CDH13: variants seen among roughly 807,000 people sequenced by gnomAD.
CDH13 encodes cadherin 13.
In CDH13, 24 loss-of-function variants were observed where a neutral mutation model predicts 63.8. The observed-to-expected ratio is 0.38, with a 90% confidence interval of 0.27 to 0.53. The LOEUF (loss-of-function observed/expected upper bound fraction) is 0.53, where lower values mean the gene tolerates loss of function less well. Ranked by LOEUF, CDH13 falls within the 20% of genes least tolerant of loss-of-function variation. The probability of loss-of-function intolerance (pLI) is 0.85; values close to 1 mark genes in which losing one functional copy is unlikely to be tolerated. For synonymous variants in CDH13, 503 were observed against 355.3 expected (o/e 1.42, Z -4.67); for missense variants, 1,049 against 903.1 (o/e 1.16, Z -2.07).
rs193056370 is a variant in CDH13, at chr16:83,185,160, G to A, written c.484-32185G>A. 2.6e-5 allele frequency among the ~76,000 whole-genome samples: 4 copies of A among 152,234 alleles called. No individual in the cohort carries two copies. In the East Asian group the frequency reaches 5.8e-4, roughly 22 times the overall value. On this transcript the variant is annotated intron_variant, in intron 4 of 13. Coordinates refer to ENST00000567109, the MANE Select transcript of CDH13 (RefSeq NM_001257.5). ...CTACAGCTGGTCGTGGCAGCACTGA[G>A]ATTTGTATCCAAGCAGCCTGGCTTC... is the stretch of plus-strand genomic sequence containing the variant.
chr16:83,740,585 A>G (rs1019955168), intron 10 of CDH13, among the ~76,000 whole-genome samples: 4 of 152,194 alleles, frequency 2.6e-5, no homozygotes, highest in African/African-American at 7.2e-5. Context: ...GTGCCATCAG[A>G]AGATGCCAGC....
intron 6 of CDH13, among the ~76,000 whole-genome samples, chr16:83,402,024 G>A (rs541410265): frequency 1.3e-5 from 2 of 152,274 alleles, no homozygotes; most frequent in South Asian, 4.1e-4. Context: ...TTTCCTGAGT[G>A]TAGATGTTGC....
At chr16:83,273,293 T>A (rs1337389900) in intron 5 of CDH13, among the ~76,000 whole-genome samples, 2 of 152,144 alleles carry the variant, frequency 1.3e-5, no homozygotes, top group Admixed American at 6.5e-5. Flanking sequence ...GTACTAAGCA[T>A]AATACCCAAT....
chr16:83,275,984 T>C (rs1254178107), intron 5 of CDH13, among the ~76,000 whole-genome samples: 2 of 152,144 alleles, frequency 1.3e-5, no homozygotes, highest in African/African-American at 4.8e-5. Flanking sequence ...TTAATGATGG[T>C]CATTTAAACA....
At chr16:83,320,501 T>C (rs1240011557) in intron 5 of CDH13, among the ~76,000 whole-genome samples, 3 of 152,114 alleles carry the variant, frequency 2.0e-5, no homozygotes, top group Non-Finnish European at 1.5e-5. Flanking sequence ...GTAAGAGAAA[T>C]AGATCAAAAC....
At chr16:82,833,043 T>C (rs546849660) in intron 1 of CDH13, among the ~76,000 whole-genome samples, 6 of 152,216 alleles carry the variant, frequency 3.9e-5, no homozygotes, top group African/African-American at 7.2e-5. Context: ...CTTACAGTTA[T>C]ACCTTTTTAC....
chr16:83,031,150 G>A (rs955967866), intron 2 of CDH13, among the ~76,000 whole-genome samples: 12 of 134,188 alleles, frequency 8.9e-5, no homozygotes, highest in Non-Finnish European at 4.8e-5. Flanking sequence ...CCATATGTGT[G>A]TATATGGTGC....
chr16:82,967,543 T>C (rs1284936409), intron 2 of CDH13, among the ~76,000 whole-genome samples: 3 of 152,226 alleles, frequency 2.0e-5, no homozygotes, highest in African/African-American at 4.8e-5. Context: ...CCATTTCCCC[T>C]TGGCGTGGGA....
intron 5 of CDH13, among the ~76,000 whole-genome samples, chr16:83,252,566 G>C (rs8064076): frequency 0.75 from 114,020 of 151,956 alleles, 42,989 homozygotes; most frequent in East Asian, 0.97. Flanking sequence ...TGAGCCAAGT[G>C]ACATGTTGCA....
At position 82,762,548 on chromosome 16, in the gene CDH13, C is replaced by G. The variant is rs533077419; in HGVS notation, c.46-95814C>G. 3.3e-5 allele frequency among the ~76,000 whole-genome samples: 5 copies of G among 152,232 alleles called. No individual in the cohort carries two copies. In the East Asian group the frequency reaches 9.6e-4, roughly 29 times the overall value. On this transcript the variant is annotated intron_variant, in intron 1 of 13. Coordinates refer to ENST00000567109, the MANE Select transcript of CDH13 (RefSeq NM_001257.5). ...ACTTTAACTTTCTACTAATTAGAAGCCAGACTCTCAGCTTTGCTTCTTGAT... is the reference window on the plus strand; with the variant it reads ...ACTTTAACTTTCTACTAATTAGAAGGCAGACTCTCAGCTTTGCTTCTTGAT...
intron 2 of CDH13, among the ~76,000 whole-genome samples, chr16:82,890,723 C>G (rs1388329206): frequency 1.3e-5 from 2 of 149,540 alleles, no homozygotes; most frequent in Admixed American, 6.7e-5. Flanking sequence ...ATGATCTTGG[C>G]TCACTGCAAC....
chr16:82,941,305 C>A (rs13332702), intron 2 of CDH13, among the ~76,000 whole-genome samples: 5 of 152,086 alleles, frequency 3.3e-5, no homozygotes, highest in East Asian at 1.9e-4. Flanking sequence ...CTGGGATCTC[C>A]CATTCAGTGA....
intron 2 of CDH13, among the ~76,000 whole-genome samples, chr16:82,886,761 C>G (rs1216162130): frequency 6.6e-6 from 1 of 152,120 alleles, no homozygotes; most frequent in African/African-American, 2.4e-5. Flanking sequence ...CCAGTCAAAA[C>G]CATGTTTAAC....
chr16:82,937,353 G>A (rs886397575), intron 2 of CDH13, among the ~76,000 whole-genome samples: 2 of 151,896 alleles, frequency 1.3e-5, no homozygotes, highest in African/African-American at 2.4e-5. Flanking sequence ...ATCTTTAAAT[G>A]AAGCTATTTT....
intron 6 of CDH13, among the ~76,000 whole-genome samples, chr16:83,349,098 G>T (rs1411497133): frequency 6.6e-6 from 1 of 152,130 alleles, no homozygotes; most frequent in Non-Finnish European, 1.5e-5. Flanking sequence ...TGAACTCCGG[G>T]GTATTGTTTT....
chr16:83,553,941 A>G (rs1358433737), intron 7 of CDH13, among the ~76,000 whole-genome samples: 1 of 152,198 alleles, frequency 6.6e-6, no homozygotes, highest in African/African-American at 2.4e-5. Flanking sequence ...ATTGTAGATA[A>G]TTTTGTGTCT....
At chr16:83,063,283 A>G (rs2031735979) in intron 3 of CDH13, among the ~76,000 whole-genome samples, 1 of 152,070 alleles carries the variant, frequency 6.6e-6, no homozygotes, top group Admixed American at 6.5e-5. Context: ...TTTTAAAGGG[A>G]GCAGGTCAAC....
chr16:83,221,208 C>T (rs2039690953), intron 5 of CDH13, among the ~76,000 whole-genome samples: 2 of 152,174 alleles, frequency 1.3e-5, no homozygotes, highest in South Asian at 4.1e-4. Flanking sequence ...CCTAGGAACT[C>T]TGCTTACCGG....
intron 1 of CDH13, among the ~76,000 whole-genome samples, chr16:82,657,377 G>T (rs1230311208): frequency 2.6e-5 from 4 of 152,152 alleles, no homozygotes; most frequent in Non-Finnish European, 5.9e-5. Context: ...AACCAAGATG[G>T]TTACTGAGTG....
Sources: gnomAD v4.1 joint callset for allele counts (sites outside exome capture counted in the v4.1 genomes callset) on GRCh38, gnomAD v4.1.1 for gene constraint, MANE v1.5 for transcripts, NCBI Gene and HGNC (gene_info 2026-07-23, HGNC 2026-07-21) for gene names.